The following ZNF438 variants were observed in gnomAD, a reference collection of about 807,000 sequenced individuals.
ZNF438 encodes zinc finger protein 438.
ZNF438 carries 25 observed loss-of-function variants against 38.0 expected under a neutral mutation model. The observed-to-expected ratio is 0.66, with a 90% CI of 0.48 to 0.92. ZNF438 has a LOEUF of 0.92. ZNF438 is among the 40% of genes least tolerant of loss of function. The pLI, the probability that ZNF438 is intolerant of heterozygous loss-of-function variation, is 0.00. For missense variants in ZNF438, 1,007 were observed against 999.6 expected, an observed-to-expected ratio of 1.01 and a Z score of -0.10; for synonymous variants, 372 against 364.1, an observed-to-expected ratio of 1.02 and a Z score of -0.25.
chr10:30,983,640 T>C (rs528381997), intron 1 of ZNF438, among the ~76,000 whole-genome samples: 154 of 152,318 alleles, frequency 1.0e-3, no homozygotes, highest in African/African-American at 3.6e-3. Context: ...TAAAATTGCA[T>C]ACTTCCTATA....
intron 2 of ZNF438, among the ~76,000 whole-genome samples, chr10:30,940,982 G>C (rs1399423407): frequency 6.6e-6 from 1 of 152,108 alleles, no homozygotes; most frequent in Admixed American, 6.5e-5. Context: ...TTAACGACTA[G>C]ACTTGATACA....
chr10:30,904,829 C>G (rs1324297157), intron 3 of ZNF438, among the ~76,000 whole-genome samples: 6 of 152,176 alleles, frequency 3.9e-5, no homozygotes, highest in Non-Finnish European at 7.4e-5. Context: ...TCGGATTCAT[C>G]CTTTGGATCG....
chr10:30,903,471 A>C (rs897892478), intron 3 of ZNF438, among the ~76,000 whole-genome samples: 1 of 152,242 alleles, frequency 6.6e-6, no homozygotes, highest in Admixed American at 6.5e-5. Flanking sequence ...AATTTCTAAA[A>C]CTACATTCAG....
chr10:31,003,026 C>T (rs180984032), intron 1 of ZNF438, among the ~76,000 whole-genome samples: 1 of 152,186 alleles, frequency 6.6e-6, no homozygotes, highest in East Asian at 1.9e-4. Context: ...TTCAAATTAG[C>T]AAAGGGGGCT....
At chr10:31,001,171 G>A (rs74817561) in intron 1 of ZNF438, among the ~76,000 whole-genome samples, 5,406 of 152,118 alleles carry the variant, frequency 0.036, 310 homozygotes, top group African/African-American at 0.12. Flanking sequence ...TTCCTTAAAG[G>A]AATTCTGTAT....
At chr10:30,892,076 A>G (rs2040756016) in intron 3 of ZNF438, among the ~76,000 whole-genome samples, 1 of 152,132 alleles carries the variant, frequency 6.6e-6, no homozygotes, top group African/African-American at 2.4e-5. Flanking sequence ...ATTGTTCTTT[A>G]TTTTGTTTTC....
At chr10:30,969,341 T>C (rs1171719878) in intron 1 of ZNF438, among the ~76,000 whole-genome samples, 1 of 152,186 alleles carries the variant, frequency 6.6e-6, no homozygotes, top group Non-Finnish European at 1.5e-5. Flanking sequence ...TGTTTTCATA[T>C]ACTAAATGGC....
At chr10:31,000,865 T>C (rs1161435928) in intron 1 of ZNF438, among the ~76,000 whole-genome samples, 1 of 152,130 alleles carries the variant, frequency 6.6e-6, no homozygotes, top group Non-Finnish European at 1.5e-5. Flanking sequence ...GTCATATCCC[T>C]CTCCAAAATC....
chr10:30,992,669 TCCC>T (rs992784488), intron 1 of ZNF438, among the ~76,000 whole-genome samples: 2 of 152,232 alleles, frequency 1.3e-5, no homozygotes, highest in Non-Finnish European at 2.9e-5. Context: ...TGCCTTGGCC[TCCC>T]ACAGTGCAGG....
At chr10:31,001,582 T>G (rs1168811913) in intron 1 of ZNF438, among the ~76,000 whole-genome samples, 1 of 152,200 alleles carries the variant, frequency 6.6e-6, no homozygotes, top group Non-Finnish European at 1.5e-5. Context: ...AAAAGTTTGT[T>G]ACCTATAACT....
exon 5 of ZNF438, chr10:30,850,236 A>G (rs2033325536): frequency 5.0e-6 from 8 of 1,614,162 alleles, no homozygotes; most frequent in Non-Finnish European, 6.8e-6. Flanking sequence ...TCAGAGCGTG[A>G]TGGTGAATGA....
chr10:30,848,664 C>G, exon 5 of ZNF438: 1 of 1,614,218 alleles, frequency 6.2e-7, no homozygotes, highest in Non-Finnish European at 8.5e-7. Context: ...CCAAAATAGA[C>G]TCGGATGTGG....
chr10:30,854,302 A>G (rs1390542794), intron 4 of ZNF438, among the ~76,000 whole-genome samples: 1 of 152,250 alleles, frequency 6.6e-6, no homozygotes, highest in Non-Finnish European at 1.5e-5. Flanking sequence ...TGACAGAGCG[A>G]GACTCCATCT....
chr10:30,864,819 C>A (rs1436977695), intron 4 of ZNF438, among the ~76,000 whole-genome samples: 1 of 152,152 alleles, frequency 6.6e-6, no homozygotes, highest in African/African-American at 2.4e-5. Flanking sequence ...TCTATTCTTC[C>A]CTCGAACCCC....
At chr10:30,956,041 A>G (rs1183088801) in intron 1 of ZNF438, among the ~76,000 whole-genome samples, 1 of 152,130 alleles carries the variant, frequency 6.6e-6, no homozygotes, top group Non-Finnish European at 1.5e-5. Context: ...AATTATAACC[A>G]TTTTCGTCTT....
intron 3 of ZNF438, among the ~76,000 whole-genome samples, chr10:30,887,604 G>A (rs1383949098): frequency 6.6e-6 from 1 of 152,080 alleles, no homozygotes; most frequent in Non-Finnish European, 1.5e-5. Context: ...TGGCCAGGCT[G>A]GTCTCGAACT....
At chr10:30,988,038 T>G (rs1353454273) in intron 1 of ZNF438, among the ~76,000 whole-genome samples, 2 of 152,200 alleles carry the variant, frequency 1.3e-5, no homozygotes, top group Non-Finnish European at 2.9e-5. Flanking sequence ...TTGGTTAAGA[T>G]GTTTAAAAGA....
At chr10:30,954,125 A>C (rs1263980127) in intron 1 of ZNF438, among the ~76,000 whole-genome samples, 6 of 152,182 alleles carry the variant, frequency 3.9e-5, no homozygotes, top group Non-Finnish European at 7.3e-5. Flanking sequence ...CCCAGGCGAC[A>C]GTGCGAGACT....
intron 2 of ZNF438, among the ~76,000 whole-genome samples, chr10:30,935,499 ACAGAG>A (rs1169356473): frequency 6.6e-6 from 1 of 152,208 alleles, no homozygotes; most frequent in Non-Finnish European, 1.5e-5. Flanking sequence ...GTGGAAACGA[ACAGAG>A]CAAGGAGGGT....
Sources: allele counts gnomAD v4.1 joint callset (sites outside exome capture counted in the v4.1 genomes callset), GRCh38; gene constraint gnomAD v4.1.1; transcripts MANE v1.5; gene names NCBI Gene and HGNC (gene_info 2026-07-23, HGNC 2026-07-21).